Variants in CHKA observed in about 807,000 individuals in gnomAD.
CHKA encodes choline kinase alpha, also known as CHETK-alpha.
Under a neutral mutation model 60.1 loss-of-function variants are expected in CHKA, and 34 were observed. The observed-to-expected ratio is 0.57, with a 90% confidence interval of 0.43 to 0.75. CHKA has a LOEUF of 0.75. CHKA is among the 30% of genes least tolerant of loss of function. CHKA has a pLI of 0.00. For synonymous variants in CHKA, 217 were observed against 223.1 expected, an observed-to-expected ratio of 0.97 and a Z score of 0.24; for missense variants, 563 against 561.3, an observed-to-expected ratio of 1.00 and a Z score of -0.03.
chr11:68,085,877 C>T (rs1857162437), intron 2 of CHKA, among the ~76,000 whole-genome samples: 1 of 152,138 alleles, frequency 6.6e-6, no homozygotes, highest in Non-Finnish European at 1.5e-5. Flanking sequence ...GATTCTCCCA[C>T]CTCAGCCTCC....
intron 2 of CHKA, among the ~76,000 whole-genome samples, chr11:68,095,536 C>T (rs1159766580): frequency 2.7e-5 from 4 of 146,510 alleles, no homozygotes; most frequent in African/African-American, 7.6e-5. Flanking sequence ...GGTGAAACCC[C>T]GTCTCTACTA....
At chr11:68,069,677 C>T (rs897261346) in intron 6 of CHKA, among the ~76,000 whole-genome samples, 16 of 149,518 alleles carry the variant, frequency 1.1e-4, no homozygotes, top group African/African-American at 3.7e-4. Context: ...AGCGAGACTC[C>T]GTCTTATAAA....
intron 1 of CHKA, among the ~76,000 whole-genome samples, chr11:68,112,323 C>G (rs1406060985): frequency 6.6e-6 from 1 of 152,092 alleles, no homozygotes; most frequent in Admixed American, 6.5e-5. Context: ...GTGCCGCAAT[C>G]CAGGCTCACT....
chr11:68,105,514 CAAAAAAAAAAAAA>C lies in CHKA; in HGVS notation c.351-8397_351-8385del, dbSNP rs1170085830. Among the ~76,000 whole-genome samples the C allele has an allele frequency of 2.2e-4, 14 of 64,952 alleles. No homozygotes were observed. The South Asian group carries it at 4.5e-3, about 21-fold the overall frequency. 42.6% of individuals were successfully genotyped at this position (64,952 alleles called of 152,430 possible). On this transcript the variant is annotated intron_variant, in intron 1 of 11. Coordinates refer to ENST00000265689, the MANE Select transcript of CHKA (RefSeq NM_001277.3). ...TGGGCAGCAGAGTGAGACTCCATCT[CAAAAAAAAAAAAA>C]AAAAAAAAAAAAAGAAAAGAAAAAG...
At chr11:68,117,457 G>A (rs1456652525) in intron 1 of CHKA, among the ~76,000 whole-genome samples, 2 of 152,180 alleles carry the variant, frequency 1.3e-5, no homozygotes, top group African/African-American at 2.4e-5. Context: ...GGGAGGCCAA[G>A]GAGGGTGGAA....
chr11:68,120,173 G>A (rs1418640274), intron 1 of CHKA, among the ~76,000 whole-genome samples: 2 of 150,786 alleles, frequency 1.3e-5, no homozygotes, highest in South Asian at 4.2e-4. Context: ...TGGTTGCAGT[G>A]AGCCGAGGTC....
intron 4 of CHKA, among the ~76,000 whole-genome samples, chr11:68,072,442 G>T (rs189421539): frequency 6.6e-6 from 1 of 151,994 alleles, no homozygotes; most frequent in East Asian, 1.9e-4. Context: ...AGCTACTCGG[G>T]AGGCTGAGGT....
At chr11:68,102,532 C>T (rs1857764738) in intron 1 of CHKA, among the ~76,000 whole-genome samples, 2 of 152,244 alleles carry the variant, frequency 1.3e-5, no homozygotes, top group South Asian at 4.1e-4. Flanking sequence ...TTATCTCACA[C>T]CATATACAAA....
chr11:68,084,316 G>A (rs1199349932), intron 2 of CHKA, among the ~76,000 whole-genome samples: 4 of 132,506 alleles, frequency 3.0e-5, no homozygotes, highest in African/African-American at 8.4e-5. Context: ...ATATACATGT[G>A]TATATATATA....
intron 1 of CHKA, among the ~76,000 whole-genome samples, chr11:68,111,345 G>T (rs564465819): frequency 6.6e-6 from 1 of 152,014 alleles, no homozygotes; most frequent in South Asian, 2.1e-4. Context: ...CTGGGAGGCA[G>T]AGGTTGCAGT....
At chr11:68,082,680 C>T (rs1857023004) in intron 2 of CHKA, among the ~76,000 whole-genome samples, 1 of 152,180 alleles carries the variant, frequency 6.6e-6, no homozygotes, top group South Asian at 2.1e-4. Context: ...TTTGTATAAA[C>T]AGTACATGTA....
At chr11:68,088,007 G>C (rs541912914) in intron 2 of CHKA, among the ~76,000 whole-genome samples, 1 of 151,108 alleles carries the variant, frequency 6.6e-6, no homozygotes, top group South Asian at 2.1e-4. Flanking sequence ...CAGCTACTCA[G>C]GGGACTGAGG....
chr11:68,062,181 GACTA>G (rs533201864), intron 10 of CHKA, 147 bp from the exon 11 acceptor site: 82 of 622,334 alleles, frequency 1.3e-4, no homozygotes, highest in South Asian at 9.4e-4. Flanking sequence ...TATTCCACGG[GACTA>G]ACTAAGAACA....
intron 1 of CHKA, among the ~76,000 whole-genome samples, chr11:68,101,664 A>AT (rs1857730503): frequency 6.6e-6 from 1 of 152,036 alleles, no homozygotes. Context: ...AAAAAAAAAA[A>AT]GAAAAGAAAA....
chr11:68,064,451 C>T, intron 10 of CHKA, 74 bp downstream of exon 10: 1 of 686,984 alleles, frequency 1.5e-6, no homozygotes, highest in East Asian at 3.1e-5. Flanking sequence ...CTCCTAATTG[C>T]AAGTCAGCAT....
rs1340004533 is a variant in CHKA at position 68,070,245 on chromosome 11, A to C, written c.813T>G (p.Ile271Met). The C allele has an allele frequency of 2.3e-5, 37 of 1,614,022 alleles. No individual in the cohort carries two copies. The highest frequency in any genetic ancestry group is 3.0e-5 in the Non-Finnish European group (35 of 1,179,976). The change falls in exon 6 of 12, where the codon ATT becomes ATG. Residue 271 changes from isoleucine to methionine, a missense_variant. By Grantham distance (10) the Ile-to-Met change is conservative (BLOSUM62 1). Coordinates refer to ENST00000265689, the MANE Select transcript of CHKA (RefSeq NM_001277.3). ...LRIKFTEESR[I>M]KKLHKLLSYN... is the part of the protein sequence containing the mutation. ...AACTGAGCAATTTGTGGAGCTTTTT[A>C]ATTCTGGATTCCTCAGTAAATTTAA...
At chr11:68,058,137 C>T (rs537578067) in intron 11 of CHKA, among the ~76,000 whole-genome samples, 1 of 152,344 alleles carries the variant, frequency 6.6e-6, no homozygotes, top group Non-Finnish European at 1.5e-5. Context: ...AGCGATTCTC[C>T]TGCCTCAGCC....
chr11:68,072,409 T>C (rs762020769), intron 4 of CHKA, among the ~76,000 whole-genome samples: 27 of 151,896 alleles, frequency 1.8e-4, no homozygotes, highest in Non-Finnish European at 3.4e-4. Flanking sequence ...TAGTCAAACA[T>C]GGTGGCACGT....
intron 1 of CHKA, among the ~76,000 whole-genome samples, chr11:68,119,865 G>C (rs1443969018): frequency 6.6e-6 from 1 of 152,092 alleles, no homozygotes; most frequent in Non-Finnish European, 1.5e-5. Flanking sequence ...TCAGACTTCT[G>C]TTAAGTCTGA....
Sources: gnomAD v4.1 joint callset for allele counts (sites outside exome capture counted in the v4.1 genomes callset) on GRCh38, gnomAD v4.1.1 for gene constraint, MANE v1.5 for transcripts, NCBI Gene and HGNC (gene_info 2026-07-23, HGNC 2026-07-21) for gene names.